The following ETV7 variants were observed in gnomAD, a reference collection of about 807,000 sequenced individuals.
ETV7 encodes the protein transcription factor ETV7.
ETV7 carries 43 observed loss-of-function variants against 39.1 expected under a neutral mutation model. The observed-to-expected ratio is 1.10, with a 90% CI of 0.86 to 1.42. ETV7 has a LOEUF of 1.42. Ranked by LOEUF, ETV7 falls within the 40% of genes most tolerant of loss-of-function variation. The pLI is 0.00. For synonymous variants in ETV7, 196 were observed against 176.6 expected (o/e 1.11, Z -0.87); for missense variants, 432 against 442.3 (o/e 0.98, Z 0.21).
intron 5 of ETV7, among the ~76,000 whole-genome samples, chr6:36,369,672 C>T (rs1772911176): frequency 6.6e-6 from 1 of 152,254 alleles, no homozygotes; most frequent in Non-Finnish European, 1.5e-5. Context: ...TCTGAGCCAG[C>T]TTCCTTGTAT....
downstream of ETV7, among the ~76,000 whole-genome samples, chr6:36,361,380 G>A (rs566398430): frequency 3.0e-4 from 46 of 152,360 alleles, no homozygotes; most frequent in Admixed American, 1.2e-3. Flanking sequence ...CCTTTGCTCT[G>A]TAAAGGTCTG....
chr6:36,385,771 A>G, intron 1 of ETV7, 102 bp from the exon 2 acceptor site: 1 of 1,280,296 alleles, frequency 7.8e-7, no homozygotes. Context: ...AAGAGTGTTT[A>G]TCTCCACCAG....
At chr6:36,356,291 T>C (rs1157777283) in intron 7 of ETV7, among the ~76,000 whole-genome samples, 1 of 127,692 alleles carries the variant, frequency 7.8e-6, no homozygotes, top group African/African-American at 3.1e-5. Flanking sequence ...ACCATTGCAC[T>C]CCAGCCTGGG....
chr6:36,373,594 AG>A lies in ETV7; in HGVS notation c.308-17del. 2.8e-6 allele frequency: 1 copy of A among 357,974 alleles called. No individual in the cohort carries two copies. Among genetic ancestry groups the A allele is most frequent in the South Asian group, 2.2e-5 (1 of 44,826 alleles). The allele number at this position is 357,974 out of a possible 1,614,324, so 22.2% of individuals were successfully genotyped here. ...AGGACGTCACCTGGAGGTGGGTGGGAGGGAGGGCAGGCTGCTGAACAGGCCA... is the reference window on the plus strand; with the variant it reads ...AGGACGTCACCTGGAGGTGGGTGGGAGGAGGGCAGGCTGCTGAACAGGCCA... On this transcript the variant is annotated splice_polypyrimidine_tract_variant and intron_variant, in intron 3 of 7. Transcript: ENST00000340181.
chr6:36,373,074 G>A (rs191365555), intron 4 of ETV7, among the ~76,000 whole-genome samples: 2 of 151,756 alleles, frequency 1.3e-5, no homozygotes, highest in African/African-American at 4.8e-5. Context: ...AGGAAGGAGA[G>A]GTGACCCCCA....
At chr6:36,359,332 T>A (rs1772416555) in intron 7 of ETV7, among the ~76,000 whole-genome samples, 1 of 151,946 alleles carries the variant, frequency 6.6e-6, no homozygotes, top group South Asian at 2.1e-4. Context: ...ACGCCTGTGA[T>A]CCCAGCTACT....
chr6:36,378,867 C>G (rs1773506873), intron 2 of ETV7, among the ~76,000 whole-genome samples: 1 of 152,218 alleles, frequency 6.6e-6, no homozygotes, highest in Admixed American at 6.5e-5. Context: ...CAGGTGAGAT[C>G]CCCTGTGGCA....
intron 2 of ETV7, among the ~76,000 whole-genome samples, chr6:36,380,489 G>T (rs918191562): frequency 6.6e-6 from 1 of 152,224 alleles, no homozygotes; most frequent in Non-Finnish European, 1.5e-5. Flanking sequence ...CCTGGCTGGG[G>T]CAGCAAGAGG....
chr6:36,375,926 T>C lies in ETV7; in HGVS notation c.252A>G (p.Gly84=), dbSNP rs1773310321. 6.2e-7 allele frequency: 1 copy of C among 1,613,898 alleles called. No individual in the cohort carries two copies. Among genetic ancestry groups the C allele is most frequent in the Admixed American group, 1.7e-5 (1 of 60,014 alleles). The change falls in exon 3 of 8, where the codon GGA becomes GGG. Residue 84 remains glycine, a synonymous_variant. Coordinates refer to ENST00000340181, the MANE Select transcript of ETV7 (RefSeq NM_016135.4). Reference sequence around the variant, plus strand: ...CCTTGGTGAGGATGCAGAGGGCGCGTCCGTTCATCTCGAACCCGTGCTCCG... The same window carrying C: ...CCTTGGTGAGGATGCAGAGGGCGCGCCCGTTCATCTCGAACCCGTGCTCCG... ...CTAEHGFEMN[G]RALCILTKDD...
intron 7 of ETV7, among the ~76,000 whole-genome samples, chr6:36,357,008 T>C (rs1332556261): frequency 1.3e-5 from 2 of 152,168 alleles, no homozygotes; most frequent in Non-Finnish European, 2.9e-5. Flanking sequence ...GCATGGAGTT[T>C]TGATGGGAAG....
At chr6:36,380,014 T>C (rs1449182270) in intron 2 of ETV7, among the ~76,000 whole-genome samples, 1 of 152,106 alleles carries the variant, frequency 6.6e-6, no homozygotes, top group Admixed American at 6.5e-5. Flanking sequence ...TGAAAAAAAT[T>C]GTACTGTCCA....
chr6:36,361,904 T>G (rs963898983), downstream of ETV7, among the ~76,000 whole-genome samples: 1 of 152,242 alleles, frequency 6.6e-6, no homozygotes, highest in African/African-American at 2.4e-5. Flanking sequence ...GGCTCACACC[T>G]GTAACCCCAA....
rs16888237 is a variant in ETV7 at position 36,379,051 on chromosome 6, C to T, written c.143-3016G>A. 3.8e-3 allele frequency among the ~76,000 whole-genome samples: 586 copies of T among 152,290 alleles called. 14 individuals are homozygous for T. In the East Asian group the frequency reaches 0.08, roughly 21 times the overall value. On this transcript the variant is annotated intron_variant, in intron 2 of 7. Coordinates refer to ENST00000340181, the MANE Select transcript of ETV7 (RefSeq NM_016135.4). ...GAGATGAGTCTGGTGATACATGAGACGCCGAAAGCTGACTTAGTGTAAAAT... is the reference window on the plus strand; with the variant it reads ...GAGATGAGTCTGGTGATACATGAGATGCCGAAAGCTGACTTAGTGTAAAAT...
chr6:36,354,416 G>C (rs1401522478), exon 8 of ETV7: 2 of 374,816 alleles, frequency 5.3e-6, no homozygotes, highest in African/African-American at 4.2e-5. Context: ...GACATATTTT[G>C]AGTTAATTTT....
At chr6:36,385,280 A>C (rs1773839794) in intron 2 of ETV7, among the ~76,000 whole-genome samples, 2 of 152,174 alleles carry the variant, frequency 1.3e-5, no homozygotes, top group Admixed American at 6.5e-5. Context: ...GTTCAAGACC[A>C]ACCTGGGCAA....
chr6:36,361,850 A>C (rs1378103032), downstream of ETV7, among the ~76,000 whole-genome samples: 1 of 152,218 alleles, frequency 6.6e-6, no homozygotes, highest in African/African-American at 2.4e-5. Flanking sequence ...AACCATGAGA[A>C]TGTATCTCCT....
At chr6:36,383,459 C>A (rs1265237697) in intron 2 of ETV7, among the ~76,000 whole-genome samples, 8 of 152,180 alleles carry the variant, frequency 5.3e-5, no homozygotes, top group Non-Finnish European at 1.0e-4. Flanking sequence ...TTAGCATCAA[C>A]TCACAAGGCT....
chr6:36,380,445 C>T (rs557517567), intron 2 of ETV7, among the ~76,000 whole-genome samples: 6 of 152,350 alleles, frequency 3.9e-5, no homozygotes, highest in Admixed American at 2.0e-4. Context: ...CAGCTCCCGA[C>T]TCCCAGCTCC....
At chr6:36,363,494 G>A (rs1343124456), downstream of ETV7, among the ~76,000 whole-genome samples, 1 of 152,142 alleles carries the variant, frequency 6.6e-6, no homozygotes, top group African/African-American at 2.4e-5. Context: ...GTGGGGTCGT[G>A]GGCTCGCTGG....
Sources: gnomAD v4.1 joint callset for allele counts (sites outside exome capture counted in the v4.1 genomes callset) on GRCh38, gnomAD v4.1.1 for gene constraint, MANE v1.5 for transcripts, NCBI Gene and HGNC (gene_info 2026-07-23, HGNC 2026-07-21) for gene names.